The following ARHGAP26 variants were observed in gnomAD, a reference collection of about 807,000 sequenced individuals.
The protein encoded by ARHGAP26 is Rho GTPase activating protein 26, also known as rho GTPase-activating protein 26.
ARHGAP26 carries 38 observed loss-of-function variants against 104.8 expected under a neutral mutation model. The observed-to-expected ratio is 0.36, with a 90% confidence interval of 0.28 to 0.48. The LOEUF is 0.48. ARHGAP26 is among the 20% of genes least tolerant of loss of function. The pLI is 0.99. For synonymous variants in ARHGAP26, 341 were observed against 340.0 expected (o/e 1.00, Z -0.03); for missense variants, 704 against 947.9 (o/e 0.74, Z 3.38).
At chr5:142,945,831 C>T (rs1007510099) in intron 11 of ARHGAP26, among the ~76,000 whole-genome samples, 4 of 152,148 alleles carry the variant, frequency 2.6e-5, no homozygotes, top group Non-Finnish European at 5.9e-5. Flanking sequence ...ATCTATTTTA[C>T]AAGTCTTAAA....
At chr5:142,924,268 C>T (rs756946290) in intron 10 of ARHGAP26, among the ~76,000 whole-genome samples, 33 of 152,052 alleles carry the variant, frequency 2.2e-4, no homozygotes, top group African/African-American at 7.2e-4. Context: ...TTCTTCTTCT[C>T]CTTAAGATGC....
intron 11 of ARHGAP26, among the ~76,000 whole-genome samples, chr5:142,953,283 C>T (rs989109060): frequency 6.6e-6 from 1 of 152,192 alleles, no homozygotes; most frequent in Non-Finnish European, 1.5e-5. Context: ...ACCAGCCACT[C>T]TATAGGTGCT....
At chr5:143,052,359 A>G (rs921881151) in intron 14 of ARHGAP26, among the ~76,000 whole-genome samples, 1 of 152,080 alleles carries the variant, frequency 6.6e-6, no homozygotes, top group African/African-American at 2.4e-5. Flanking sequence ...AATCCCAGCT[A>G]CTTGGGAGGC....
chr5:142,950,074 T>C (rs1296919667), intron 11 of ARHGAP26, among the ~76,000 whole-genome samples: 4 of 152,248 alleles, frequency 2.6e-5, no homozygotes, highest in East Asian at 1.9e-4. Context: ...ATCTTTCTGA[T>C]GTCTGCCTGC....
chr5:142,770,975 G>A (rs958517542), intron 1 of ARHGAP26, 60 bp downstream of exon 1: 3 of 1,527,578 alleles, frequency 2.0e-6, no homozygotes, highest in East Asian at 2.6e-5. Flanking sequence ...GGGAGGTGGC[G>A]CTTAGCCCGG....
intron 12 of ARHGAP26, among the ~76,000 whole-genome samples, chr5:143,016,853 C>T (rs370946007): frequency 3.3e-5 from 5 of 152,066 alleles, no homozygotes; most frequent in African/African-American, 1.2e-4. Context: ...GGACCCTTTC[C>T]CACATGGTAC....
chr5:142,936,279 TAGTC>T (rs964816771), intron 11 of ARHGAP26, among the ~76,000 whole-genome samples: 2 of 152,166 alleles, frequency 1.3e-5, no homozygotes, highest in African/African-American at 2.4e-5. Flanking sequence ...ACACCATTGA[TAGTC>T]AGTCTCCCCA....
intron 10 of ARHGAP26, among the ~76,000 whole-genome samples, chr5:142,917,427 T>A (rs1762633884): frequency 6.6e-6 from 1 of 152,196 alleles, no homozygotes; most frequent in African/African-American, 2.4e-5. Context: ...TGTCCAGTTT[T>A]CAGGCTGTGA....
chr5:142,844,638 T>G (rs1272484500), intron 1 of ARHGAP26, among the ~76,000 whole-genome samples: 4 of 149,788 alleles, frequency 2.7e-5, no homozygotes, highest in African/African-American at 9.8e-5. Flanking sequence ...GCCAAGGCGG[T>G]GGATCACCTG....
chr5:142,910,398 C>T (rs374497106), intron 9 of ARHGAP26, among the ~76,000 whole-genome samples: 19 of 152,234 alleles, frequency 1.2e-4, no homozygotes, highest in African/African-American at 4.1e-4. Flanking sequence ...GATGTCTTCT[C>T]GATTGTGTAG....
Position 143,014,128 on chromosome 5 carries a change from G to C in ARHGAP26, c.1144+12G>C. On this transcript the variant is annotated intron_variant, in intron 12 of 22. Coordinates refer to ENST00000645722, the MANE Select transcript of ARHGAP26 (RefSeq NM_001135608.3). ...CCAGAGTGAAGGGAGTAAGTACGATGCTTGGGTAACCTTCTACAGCCAGGG... is the reference window on the plus strand; with the variant it reads ...CCAGAGTGAAGGGAGTAAGTACGATCCTTGGGTAACCTTCTACAGCCAGGG... 1.2e-6 allele frequency: 2 copies of C among 1,614,116 alleles called. No individual in the cohort carries two copies. Among genetic ancestry groups the C allele is most frequent in the South Asian group, 2.2e-5 (2 of 91,080 alleles).
intron 11 of ARHGAP26, among the ~76,000 whole-genome samples, chr5:142,955,937 A>G (rs551241014): frequency 3.3e-4 from 50 of 152,296 alleles, no homozygotes; most frequent in African/African-American, 1.1e-3. Flanking sequence ...TGGCTGCAGC[A>G]GTGAGTGGAG....
At chr5:143,079,678 A>G (rs1489779418) in intron 17 of ARHGAP26, among the ~76,000 whole-genome samples, 4 of 152,162 alleles carry the variant, frequency 2.6e-5, no homozygotes, top group East Asian at 1.9e-4. Flanking sequence ...CTTCATCTCA[A>G]TGACTCCTTG....
chr5:143,047,040 A>T (rs246657), intron 14 of ARHGAP26, among the ~76,000 whole-genome samples: 1 of 152,098 alleles, frequency 6.6e-6, no homozygotes, highest in African/African-American at 2.4e-5. Flanking sequence ...TAGAGTGTCT[A>T]TTGTCACATG....
chr5:143,076,087 C>T (rs1460948350), intron 17 of ARHGAP26, among the ~76,000 whole-genome samples: 1 of 151,950 alleles, frequency 6.6e-6, no homozygotes, highest in Non-Finnish European at 1.5e-5. Flanking sequence ...GCAGCCTGGA[C>T]CTCCTGGGCT....
rs147518141 is a variant in ARHGAP26 at position 142,929,289 on chromosome 5, T to C, written c.1029-2758T>C. On this transcript the variant is annotated intron_variant, in intron 10 of 22. Coordinates refer to ENST00000645722, the MANE Select transcript of ARHGAP26 (RefSeq NM_001135608.3). The stretch of plus-strand genomic sequence containing the variant: ...TGTCTCCCCTGCCCTGCCCATTTTT[T>C]GCTATGAAGAACCACATGCATTTCA... Among the ~76,000 whole-genome samples the C allele has an allele frequency of 2.0e-5, 3 of 152,278 alleles. No homozygotes were observed. The East Asian group carries it at 5.8e-4, about 29-fold the overall frequency.
At chr5:142,927,070 C>T (rs1344966998) in intron 10 of ARHGAP26, among the ~76,000 whole-genome samples, 2 of 151,878 alleles carry the variant, frequency 1.3e-5, no homozygotes, top group Middle Eastern at 3.2e-3. Flanking sequence ...GCTAGTCTGC[C>T]GTGGTTATAC....
rs1001262927 is a variant in ARHGAP26, at chr5:142,875,299, G to A, written c.312+128G>A. Reference sequence around the variant, plus strand: ...TTGAATGTTTTGAGCTCTTCAGCAAGCCTCATCTTTGTAGAGTTTGAAGGC... The same window carrying A: ...TTGAATGTTTTGAGCTCTTCAGCAAACCTCATCTTTGTAGAGTTTGAAGGC... On this transcript the variant is annotated intron_variant, in intron 3 of 22. Coordinates refer to ENST00000645722, the MANE Select transcript of ARHGAP26 (RefSeq NM_001135608.3). 1.8e-5 allele frequency: 16 copies of A among 896,150 alleles called. 1 individual carries two copies. Among genetic ancestry groups the A allele is most frequent in the Non-Finnish European group, 2.7e-5 (15 of 558,728 alleles). 55.5% of individuals were successfully genotyped at this position (896,150 alleles called of 1,614,324 possible). A position where few individuals can be genotyped will look rare whatever the true frequency, so the allele number is the denominator to read the frequency against.
intron 12 of ARHGAP26, chr5:143,014,430 A>G: frequency 2.8e-6 from 1 of 354,750 alleles, no homozygotes; most frequent in African/African-American, 2.1e-5. Flanking sequence ...TCACCACTTA[A>G]AAGTTACTTA....
Sources: allele counts gnomAD v4.1 joint callset (sites outside exome capture counted in the v4.1 genomes callset), GRCh38; gene constraint gnomAD v4.1.1; transcripts MANE v1.5; gene names NCBI Gene and HGNC (gene_info 2026-07-23, HGNC 2026-07-21).